Variants in WFS1 observed in about 807,000 individuals in gnomAD.
The protein encoded by WFS1 is wolframin.
WFS1 carries 90 observed loss-of-function variants against 68.5 expected under a neutral mutation model. That is an observed-to-expected ratio of 1.31 (90% confidence interval 1.11 to 1.56). The LOEUF (loss-of-function observed/expected upper bound fraction) is 1.56. Ranked by LOEUF, WFS1 falls within the 40% of genes most tolerant of loss-of-function variation. The pLI is 0.00. For synonymous variants in WFS1, 860 were observed against 540.7 expected, an observed-to-expected ratio of 1.59 and a Z score of -8.19; for missense variants, 1,767 against 1,232.6, an observed-to-expected ratio of 1.43 and a Z score of -6.49.
intron 7 of WFS1, among the ~76,000 whole-genome samples, chr4:6,299,158 T>C (rs759368266): frequency 1.4e-4 from 21 of 152,228 alleles, no homozygotes; most frequent in Non-Finnish European, 2.9e-4. Flanking sequence ...GGCTGCCCTG[T>C]GTTCTGGCAG....
In WFS1 at chr4:6,291,186, C is replaced by G; in HGVS notation, c.461-11C>G. 6.2e-7 allele frequency: 1 copy of G among 1,611,776 alleles called. No individual in the cohort carries two copies. The highest frequency in any genetic ancestry group is 8.5e-7 in the Non-Finnish European group (1 of 1,180,018). On this transcript the variant is annotated splice_polypyrimidine_tract_variant and intron_variant, in intron 4 of 7. Coordinates refer to ENST00000226760, the MANE Select transcript of WFS1 (RefSeq NM_006005.3). ...GGCACACAAGGCCTTTGACCACATC[C>G]TATCCCTCAGGCATCACGTCCGAGA... is the stretch of plus-strand genomic sequence containing the variant.
intron 7 of WFS1, among the ~76,000 whole-genome samples, chr4:6,299,490 ACGTGTGTGTAGGGGTGGGTTG>A (rs1192988237): frequency 1.4e-5 from 2 of 139,514 alleles, no homozygotes; most frequent in South Asian, 2.3e-4. Context: ...GTGGGTGTGC[ACGTGTGTGTAGGGGTGGGTTG>A]CGTGTGTGTG....
chr4:6,301,534 T>G lies in WFS1; in HGVS notation c.1739T>G (p.Val580Gly), dbSNP rs140773453. 2 of 1,613,896 alleles carry G rather than the reference T, an allele frequency of 1.2e-6. No homozygotes were observed. The highest frequency in any genetic ancestry group is 1.7e-5 in the Admixed American group (1 of 60,014). ...LPILVAGLAL[V>G]GVLQFARWFT... Reference sequence around the variant, plus strand: ...ATCCTGGTGGCCGGCCTGGCCCTGGTGGGCGTGCTGCAGTTCGCCCGGTGG... The same window carrying G: ...ATCCTGGTGGCCGGCCTGGCCCTGGGGGGCGTGCTGCAGTTCGCCCGGTGG... Residue 580 changes from valine (V) to glycine (G), a missense_variant, in exon 8 of 8, where the codon GTG becomes GGG. Transcript: ENST00000226760.
At chr4:6,299,594 G>A (rs1351669099) in intron 7 of WFS1, among the ~76,000 whole-genome samples, 1 of 58,688 alleles carries the variant, frequency 1.7e-5, no homozygotes, top group Non-Finnish European at 3.5e-5. Context: ...TGTGTGTAGG[G>A]GTGGGTTTGA....
intron 4 of WFS1, among the ~76,000 whole-genome samples, chr4:6,289,683 G>A (rs934489547): frequency 1.3e-5 from 2 of 152,230 alleles, no homozygotes; most frequent in Non-Finnish European, 2.9e-5. Context: ...GAGTTAGGAC[G>A]TTGTCCTGCG....
chr4:6,296,532 G>A (rs1250428343), intron 7 of WFS1, among the ~76,000 whole-genome samples: 1 of 152,232 alleles, frequency 6.6e-6, no homozygotes, highest in Non-Finnish European at 1.5e-5. Context: ...CCCTAGGCAA[G>A]CATATTCACA....
Position 6,287,048 on chromosome 4 carries a change from A to G in WFS1, c.233-45A>G, listed in dbSNP as rs778784147. The stretch of plus-strand genomic sequence containing the variant: ...GTCCCCTCCATCCTGACAAGTGACA[A>G]AGTCTGGCTTTGTGACATGTGTGTT... On this transcript the variant is annotated intron_variant, in intron 2 of 7. Coordinates refer to ENST00000226760, the MANE Select transcript of WFS1 (RefSeq NM_006005.3). The surrounding 1 kb of genome is among the most constrained non-coding windows in gnomAD (Gnocchi z 6.4). The G allele has an allele frequency of 7.2e-6, 11 of 1,528,882 alleles. No homozygotes were observed. The highest frequency in any genetic ancestry group is 1.7e-4 in the Middle Eastern group (1 of 5,942). The allele number at this position is 1,528,882 out of a possible 1,614,324, so 94.7% of individuals were successfully genotyped here.
At position 6,283,856 on chromosome 4, in the gene WFS1, G is replaced by A. The variant is rs886286090; in HGVS notation, c.233-3237G>A. Reference sequence around the variant, plus strand: ...TCAGAAAAAGCAAGGAACGGAGGTCGAGCACACAGAAAACACGTGTGTTTG... The same window carrying A: ...TCAGAAAAAGCAAGGAACGGAGGTCAAGCACACAGAAAACACGTGTGTTTG... On this transcript the variant is annotated intron_variant, in intron 2 of 7. Coordinates refer to ENST00000226760, the MANE Select transcript of WFS1 (RefSeq NM_006005.3). The surrounding 1 kb of genome is among the most constrained non-coding windows in gnomAD (Gnocchi z 5.0). Among the ~76,000 whole-genome samples the A allele has an allele frequency of 5.3e-5, 8 of 152,000 alleles. No individual in the cohort carries two copies. The highest frequency in any genetic ancestry group is 7.4e-5 in the Non-Finnish European group (5 of 68,012).
At chr4:6,295,304 G>A in intron 7 of WFS1, 115 bp downstream of exon 7, 1 of 1,297,470 alleles carries the variant, frequency 7.7e-7, no homozygotes, top group Non-Finnish European at 1.1e-6. Flanking sequence ...AACAAAGAGT[G>A]TCTTACAGCC....
chr4:6,298,935 A>G (rs553196910), intron 7 of WFS1, among the ~76,000 whole-genome samples: 62 of 152,312 alleles, frequency 4.1e-4, no homozygotes, highest in Middle Eastern at 3.4e-3. Flanking sequence ...TCCAGCCTGG[A>G]TGTGTCATGT....
rs56072215 is a variant in WFS1 at position 6,300,818 on chromosome 4, C to T, written c.1023C>T (p.Phe341=). ...FIVSNLTIDF[F]AFFIPLVIFY... Reference sequence around the variant, plus strand: ...TCAGCAACCTCACCATCGACTTCTTCGCCTTCTTCATCCCGCTGGTCATCT... The same window carrying T: ...TCAGCAACCTCACCATCGACTTCTTTGCCTTCTTCATCCCGCTGGTCATCT... Residue 341 remains phenylalanine (F), a synonymous_variant, in exon 8 of 8, where the codon TTC becomes TTT. Transcript: ENST00000226760. The T allele has an allele frequency of 0.068, 110,332 of 1,613,996 alleles. 4,378 individuals are homozygous for T. Among genetic ancestry groups the T allele is most frequent in the Middle Eastern group, 0.12 (749 of 6,062 alleles).
At chr4:6,288,140 C>T (rs1658117308) in intron 3 of WFS1, among the ~76,000 whole-genome samples, 3 of 151,728 alleles carry the variant, frequency 2.0e-5, no homozygotes, top group African/African-American at 7.3e-5. Context: ...TCACTTGAAC[C>T]CAGGAAGTGG....
At chr4:6,286,965 C>T (rs1216220029) in intron 2 of WFS1, 128 bp from the exon 3 acceptor site, 11 of 850,008 alleles carry the variant, frequency 1.3e-5, no homozygotes, top group Middle Eastern at 2.2e-4. Context: ...TCTCTCTGTA[C>T]TCCTGGCCTG....
rs761114952 is a variant in WFS1 at position 6,302,311 on chromosome 4, T to C, written c.2516T>C (p.Val839Ala). ...LEGRLGSKWP[V>A]FELKAISCLN... ...GGCCGCCTGGGCAGCAAGTGGCCTGTCTTCGAGCTCAAGGCCATCAGCTGC... is the reference window on the plus strand; with the variant it reads ...GGCCGCCTGGGCAGCAAGTGGCCTGCCTTCGAGCTCAAGGCCATCAGCTGC... The change falls in exon 8 of 8, where the codon GTC (valine) becomes GCC (alanine). Residue 839 changes from valine (V) to alanine (A), a missense_variant. Physicochemically the swap from Val to Ala is moderately conservative, Grantham distance 64. Coordinates refer to ENST00000226760, the MANE Select transcript of WFS1 (RefSeq NM_006005.3). 6 of 1,611,266 alleles carry C rather than the reference T, an allele frequency of 3.7e-6. No individual in the cohort carries two copies. The Admixed American group carries it at 5.0e-5, about 13-fold the overall frequency.
rs1401616251 is a variant in WFS1, at chr4:6,301,616, C to T, written c.1821C>T (p.Pro607=). 6.2e-6 allele frequency: 10 copies of T among 1,614,008 alleles called. No individual in the cohort carries two copies. The highest frequency in any genetic ancestry group is 2.2e-5 in the South Asian group (2 of 91,076). ...TCACCGTGGCGGTCTGTAGTGTGCC[C>T]CTGCTGTTGCGCTGGTGGACCAAGG... The part of the protein sequence containing the change: ...IAVTVAVCSV[P]LLLRWWTKAS... Residue 607 remains proline (P), a synonymous_variant, in exon 8 of 8, where the codon CCC becomes CCT. Transcript: ENST00000226760.
At chr4:6,296,649 G>A (rs1730647980) in intron 7 of WFS1, among the ~76,000 whole-genome samples, 1 of 152,244 alleles carries the variant, frequency 6.6e-6, no homozygotes, top group South Asian at 2.1e-4. Context: ...ACAGGTGAAC[G>A]GGTTAACTTG....
At chr4:6,284,513 C>A (rs991219218) in intron 2 of WFS1, among the ~76,000 whole-genome samples, 1 of 151,988 alleles carries the variant, frequency 6.6e-6, no homozygotes, top group African/African-American at 2.4e-5. Context: ...CTTGGACCTT[C>A]CATGTTTTGA....
chr4:6,298,626 A>C (rs573912762), intron 7 of WFS1, among the ~76,000 whole-genome samples: 1 of 151,946 alleles, frequency 6.6e-6, no homozygotes, highest in Non-Finnish European at 1.5e-5. Flanking sequence ...TCATCTGTGG[A>C]AGGCTCAGTC....
chr4:6,295,288 G>T lies in WFS1; in HGVS notation c.861+99G>T, dbSNP rs573056295. 2.7e-5 allele frequency: 40 copies of T among 1,475,452 alleles called. No individual in the cohort carries two copies. In the African/African-American group the frequency reaches 4.3e-4, roughly 16 times the overall value. 91.4% of individuals were successfully genotyped at this position (1,475,452 alleles called of 1,614,324 possible). On this transcript the variant is annotated intron_variant, in intron 7 of 7. Transcript: ENST00000226760. The stretch of plus-strand genomic sequence containing the variant: ...CAGGAAGCTGCAGGTGGGGAGGTTC[G>T]CGCCTAACAAAGAGTGTCTTACAGC...
Sources: allele counts gnomAD v4.1 joint callset (sites outside exome capture counted in the v4.1 genomes callset), GRCh38; gene constraint gnomAD v4.1.1; non-coding constraint Gnocchi (gnomAD v3.1); transcripts MANE v1.5; gene names NCBI Gene and HGNC (gene_info 2026-07-23, HGNC 2026-07-21).